Variants in ARHGEF38 observed in about 807,000 individuals in gnomAD.
ARHGEF38 encodes the protein Rho guanine nucleotide exchange factor 38.
Under a neutral mutation model 79.9 loss-of-function variants are expected in ARHGEF38, and 79 were observed. That is an observed-to-expected ratio of 0.99 (90% CI 0.82 to 1.19). ARHGEF38 has a LOEUF of 1.19. Ranked by LOEUF, ARHGEF38 falls within the 50% of genes most tolerant of loss-of-function variation. The pLI, the probability that ARHGEF38 is intolerant of heterozygous loss-of-function variation, is 0.00. For synonymous variants in ARHGEF38, 366 were observed against 328.3 expected, an observed-to-expected ratio of 1.11 and a Z score of -1.24; for missense variants, 962 against 907.2, an observed-to-expected ratio of 1.06 and a Z score of -0.78.
intron 2 of ARHGEF38, among the ~76,000 whole-genome samples, chr4:105,607,392 C>T (rs1001970408): frequency 6.6e-6 from 1 of 152,062 alleles, no homozygotes; most frequent in African/African-American, 2.4e-5. Flanking sequence ...ATTTTTGACT[C>T]CTACAAGAGT....
At chr4:105,609,215 A>G (rs923149589) in intron 2 of ARHGEF38, among the ~76,000 whole-genome samples, 4 of 152,018 alleles carry the variant, frequency 2.6e-5, no homozygotes, top group Admixed American at 2.0e-4. Context: ...CTGCATGTGG[A>G]TAGCCAGTTT....
Position 105,576,589 on chromosome 4 carries a change from T to G in ARHGEF38, c.197-12659T>G, listed in dbSNP as rs181484599. Among the ~76,000 whole-genome samples, 836 of 152,218 alleles carry G rather than the reference T, an allele frequency of 5.5e-3. 9 individuals are homozygous for G. The highest frequency in any genetic ancestry group is 7.8e-3 in the Non-Finnish European group (531 of 67,996). On this transcript the variant is annotated intron_variant, in intron 1 of 13. Transcript: ENST00000420470. ...GTCTTTTGAAGGAAAATTTAGGGTTTCCTAAGTATAGAGTCATGTCACCAG... is the reference window on the plus strand; with the variant it reads ...GTCTTTTGAAGGAAAATTTAGGGTTGCCTAAGTATAGAGTCATGTCACCAG...
chr4:105,643,872 C>CTTTTTTTT (rs5860804), intron 5 of ARHGEF38, among the ~76,000 whole-genome samples: 1 of 98,096 alleles, frequency 1.0e-5, no homozygotes, highest in Admixed American at 1.2e-4. Flanking sequence ...TGCCTTCCTA[C>CTTTTTTTT]TTTTTTTTTT....
intron 1 of ARHGEF38, among the ~76,000 whole-genome samples, chr4:105,576,724 A>G (rs1726521106): frequency 6.6e-6 from 1 of 152,106 alleles, no homozygotes; most frequent in Non-Finnish European, 1.5e-5. Context: ...AGGAATGGTA[A>G]AAGTGGGCAT....
At chr4:105,583,316 A>G (rs896137691) in intron 1 of ARHGEF38, among the ~76,000 whole-genome samples, 56 of 152,216 alleles carry the variant, frequency 3.7e-4, no homozygotes, top group Admixed American at 3.7e-3. Flanking sequence ...TTAAATGTTT[A>G]AAATACTTAG....
intron 1 of ARHGEF38, among the ~76,000 whole-genome samples, 167 bp downstream of exon 1, chr4:105,553,128 A>G (rs1725076776): frequency 6.8e-6 from 1 of 148,062 alleles, no homozygotes; most frequent in South Asian, 2.1e-4. Context: ...AATTATAGGG[A>G]AAAAAATTTA....
chr4:105,649,639 A>G (rs1415299347), intron 7 of ARHGEF38, among the ~76,000 whole-genome samples: 1 of 151,938 alleles, frequency 6.6e-6, no homozygotes, highest in Non-Finnish European at 1.5e-5. Context: ...TATCTCTAAG[A>G]TTTTTAGTTT....
intron 9 of ARHGEF38, among the ~76,000 whole-genome samples, 200 bp from the exon 10 acceptor site, chr4:105,658,854 C>A (rs750691319): frequency 6.6e-6 from 1 of 152,176 alleles, no homozygotes; most frequent in Non-Finnish European, 1.5e-5. Context: ...TTCAATGTTA[C>A]AACCTAGAGC....
intron 4 of ARHGEF38, among the ~76,000 whole-genome samples, chr4:105,635,108 C>T (rs921999544): frequency 1.3e-5 from 2 of 151,982 alleles, no homozygotes; most frequent in African/African-American, 4.8e-5. Context: ...AATTGTGAGT[C>T]AAAGTATAAT....
chr4:105,668,467 T>C (rs150634414), intron 13 of ARHGEF38, among the ~76,000 whole-genome samples: 1 of 152,218 alleles, frequency 6.6e-6, no homozygotes, highest in Non-Finnish European at 1.5e-5. Context: ...ACTGGTACAA[T>C]CTTTTTGCAA....
intron 9 of ARHGEF38, among the ~76,000 whole-genome samples, chr4:105,658,658 G>A (rs1730435052): frequency 2.6e-5 from 4 of 152,142 alleles, no homozygotes; most frequent in Admixed American, 1.3e-4. Flanking sequence ...CACAGTCTTG[G>A]TAGTCAAAGG....
rs768671889 is a variant in ARHGEF38, at chr4:105,667,613, T to C, written c.2058T>C (p.Ile686=). The C allele has an allele frequency of 3.9e-6, 6 of 1,536,698 alleles. No individual in the cohort carries two copies. The highest frequency in any genetic ancestry group is 1.2e-5 in the South Asian group (1 of 84,062). Residue 686 remains isoleucine, a synonymous_variant, in exon 13 of 14, where the codon ATT becomes ATC. Coordinates refer to ENST00000420470, the MANE Select transcript of ARHGEF38 (RefSeq NM_001242729.2). ...TCACAGGCACCTCAGAAAGCAGCAT[T>C]GGTGATAGCAGCTCATCTCTTAGTG... The part of the protein sequence containing the change: ...DSVTGTSESS[I]GDSSSSLSGT...
At chr4:105,650,989 G>T (rs1730079799) in intron 7 of ARHGEF38, among the ~76,000 whole-genome samples, 1 of 152,156 alleles carries the variant, frequency 6.6e-6, no homozygotes. Context: ...AATAGAGATA[G>T]GCATGTGTAA....
intron 7 of ARHGEF38, among the ~76,000 whole-genome samples, chr4:105,652,321 G>A (rs546979601): frequency 5.3e-4 from 80 of 152,182 alleles, no homozygotes; most frequent in Non-Finnish European, 1.1e-3. Context: ...TTTAACAAAT[G>A]TTCGCTATTA....
At chr4:105,671,918 A>G (rs1730969702) in intron 13 of ARHGEF38, among the ~76,000 whole-genome samples, 2 of 152,000 alleles carry the variant, frequency 1.3e-5, no homozygotes, top group Admixed American at 1.3e-4. Context: ...CAGAATTGCT[A>G]TAGCATGTTT....
Position 105,655,710 on chromosome 4 carries a change from G to T in ARHGEF38, c.1221G>T (p.Ser407=), listed in dbSNP as rs765836711. The change falls in exon 9 of 14, where the codon TCG becomes TCT. Residue 407 remains serine (S), a synonymous_variant. Transcript: ENST00000420470. Reference sequence around the variant, plus strand: ...AGACCCTAAGTAATGCCTTAAATTCGTGTCATGACTTTGTAAGTTATTTAT... The same window carrying T: ...AGACCCTAAGTAATGCCTTAAATTCTTGTCATGACTTTGTAAGTTATTTAT... ...YSETLSNALN[S]CHDFASHLQR... is the part of the protein sequence containing the mutation. 3 of 1,534,206 alleles carry T rather than the reference G, an allele frequency of 2.0e-6. No individual in the cohort carries two copies. The highest frequency in any genetic ancestry group is 2.6e-6 in the Non-Finnish European group (3 of 1,145,950).
In ARHGEF38 at chr4:105,619,224, G is replaced by A. The variant is rs537066089; in HGVS notation, c.508+5717G>A. 8.6e-5 allele frequency among the ~76,000 whole-genome samples: 13 copies of A among 151,868 alleles called. No homozygotes were observed. In the South Asian group the frequency reaches 2.7e-3, roughly 32 times the overall value. ...GACTTGCTTTGATCAATGAAATGAG[G>A]CAAAATGATGTTCTACAACAGCATT... is the stretch of plus-strand genomic sequence containing the variant. On this transcript the variant is annotated intron_variant, in intron 3 of 13. Transcript: ENST00000420470.
chr4:105,645,477 C>A (rs1729800745), intron 6 of ARHGEF38, 90 bp downstream of exon 6: 2 of 1,113,868 alleles, frequency 1.8e-6, no homozygotes, highest in Non-Finnish European at 2.5e-6. Flanking sequence ...GTAGTTATAG[C>A]AGCTGCAGTG....
At chr4:105,597,461 C>T (rs1727632452) in intron 2 of ARHGEF38, among the ~76,000 whole-genome samples, 1 of 152,166 alleles carries the variant, frequency 6.6e-6, no homozygotes, top group South Asian at 2.1e-4. Flanking sequence ...GGAATTCTCT[C>T]TCTCTTTCTT....
Sources: allele counts gnomAD v4.1 joint callset (sites outside exome capture counted in the v4.1 genomes callset), GRCh38; gene constraint gnomAD v4.1.1; transcripts MANE v1.5; gene names NCBI Gene and HGNC (gene_info 2026-07-23, HGNC 2026-07-21).